Variants in LPP observed in about 807,000 individuals in gnomAD.
LPP encodes the protein LIM domain containing preferred translocation partner in lipoma.
LPP carries 38 observed loss-of-function variants against 60.4 expected under a neutral mutation model. That is an observed-to-expected ratio of 0.63 (90% confidence interval 0.49 to 0.83). The LOEUF (loss-of-function observed/expected upper bound fraction) is 0.83, where lower values mean the gene tolerates loss of function less well. Ranked by LOEUF, LPP falls within the 40% of genes least tolerant of loss-of-function variation. The probability of loss-of-function intolerance (pLI) is 0.00; values close to 1 mark genes in which losing one functional copy is unlikely to be tolerated. For missense variants in LPP, 902 were observed against 783.6 expected (o/e 1.15, Z -1.80); for synonymous variants, 328 against 290.8 (o/e 1.13, Z -1.30).
At chr3:188,679,046 G>T (rs934711006) in intron 7 of LPP, among the ~76,000 whole-genome samples, 3 of 152,190 alleles carry the variant, frequency 2.0e-5, no homozygotes, top group African/African-American at 7.2e-5. Flanking sequence ...GTGCTCTGGG[G>T]TATCTTCAGA....
intron 2 of LPP, among the ~76,000 whole-genome samples, chr3:188,226,517 A>G (rs956924441): frequency 2.0e-5 from 3 of 152,202 alleles, no homozygotes; most frequent in Admixed American, 2.0e-4. Context: ...TGGGTAGAGT[A>G]GAACATTATG....
intron 1 of LPP, among the ~76,000 whole-genome samples, chr3:188,158,616 AT>A: frequency 6.6e-6 from 1 of 152,330 alleles, no homozygotes; most frequent in African/African-American, 2.4e-5. Flanking sequence ...TAGTAATATA[AT>A]TTTGAAATAT....
chr3:188,583,800 A>G (rs1316102744), intron 6 of LPP, among the ~76,000 whole-genome samples: 3 of 152,190 alleles, frequency 2.0e-5, no homozygotes, highest in Non-Finnish European at 2.9e-5. Context: ...TGTATCATAA[A>G]ATAGAATTTT....
chr3:188,363,773 C>T (rs531104952), intron 3 of LPP, among the ~76,000 whole-genome samples: 11 of 151,972 alleles, frequency 7.2e-5, no homozygotes, highest in African/African-American at 1.7e-4. Flanking sequence ...GGCATGATGG[C>T]GGGCTCCTGT....
At chr3:188,484,499 C>A in intron 4 of LPP, 93 bp from the exon 5 acceptor site, 4 of 870,012 alleles carry the variant, frequency 4.6e-6, no homozygotes, top group African/African-American at 1.7e-5. Context: ...GTGTCAAAGC[C>A]AATTATAAAA....
At chr3:188,764,974 C>T (rs912960532) in intron 9 of LPP, among the ~76,000 whole-genome samples, 2 of 152,134 alleles carry the variant, frequency 1.3e-5, no homozygotes, top group African/African-American at 4.8e-5. Context: ...GCATTAGTGA[C>T]CAACACACTA....
chr3:188,311,163 T>A (rs1298131205), intron 2 of LPP, among the ~76,000 whole-genome samples: 1 of 151,740 alleles, frequency 6.6e-6, no homozygotes, highest in Non-Finnish European at 1.5e-5. Flanking sequence ...TTTTAGTTAT[T>A]CTTATTTTCT....
chr3:188,681,256 A>T lies in LPP; in HGVS notation c.1114-27011A>T, dbSNP rs138528217. 7.5e-3 allele frequency among the ~76,000 whole-genome samples: 1,142 copies of T among 152,182 alleles called. 13 individuals are homozygous for T. The highest frequency in any genetic ancestry group is 0.026 in the African/African-American group (1,096 of 41,522). ...TGATCCACCCACCTTGGCCTCCCAG[A>T]GTGTTGGGATTACAGGCGTGAGCCA... On this transcript the variant is annotated intron_variant, in intron 7 of 11. Transcript: ENST00000617246.
chr3:188,646,894 A>G (rs904596049), intron 7 of LPP, among the ~76,000 whole-genome samples: 3 of 152,224 alleles, frequency 2.0e-5, no homozygotes, highest in African/African-American at 7.2e-5. Context: ...CAACCTCAAT[A>G]CACATCTCAT....
intron 4 of LPP, among the ~76,000 whole-genome samples, chr3:188,450,823 G>A (rs1234864484): frequency 3.3e-5 from 5 of 152,032 alleles, no homozygotes; most frequent in African/African-American, 1.2e-4. Flanking sequence ...GTCTTCCAGA[G>A]TGTGCATCCA....
At chr3:188,296,121 C>A (rs138343635) in intron 2 of LPP, among the ~76,000 whole-genome samples, 2 of 152,262 alleles carry the variant, frequency 1.3e-5, no homozygotes, top group East Asian at 3.9e-4. Flanking sequence ...TAATGCTCTT[C>A]GTTTCATGCC....
chr3:188,704,695 C>A (rs958437415), intron 7 of LPP, among the ~76,000 whole-genome samples: 2 of 152,086 alleles, frequency 1.3e-5, no homozygotes, highest in Non-Finnish European at 2.9e-5. Context: ...CAAATATATT[C>A]CCCGTGGTCT....
In LPP at chr3:188,879,860, T is replaced by A. The variant is rs144469767; in HGVS notation, c.*5381T>A. ...TTGGACAGCACCAGTTTTTCTTAGA[T>A]CACAGACTACAGGCAGAATTTCCCT... On this transcript the variant is annotated 3_prime_UTR_variant, in exon 12 of 12. Coordinates refer to ENST00000617246, the MANE Select transcript of LPP (RefSeq NM_001375462.1). 2,062 of 181,074 alleles carry A rather than the reference T, an allele frequency of 0.011. 29 individuals are homozygous for A. Among genetic ancestry groups the A allele is most frequent in the Non-Finnish European group, 0.015 (1,262 of 84,730 alleles). 11.2% of individuals were successfully genotyped at this position (181,074 alleles called of 1,614,324 possible).
intron 8 of LPP, among the ~76,000 whole-genome samples, chr3:188,732,733 A>G (rs1560128906): frequency 1.3e-5 from 2 of 151,782 alleles, no homozygotes; most frequent in African/African-American, 4.8e-5. Flanking sequence ...AAAAAAAAAA[A>G]AAAGAATATC....
At chr3:188,300,927 G>C (rs751598036) in intron 2 of LPP, among the ~76,000 whole-genome samples, 5 of 152,130 alleles carry the variant, frequency 3.3e-5, no homozygotes, top group Non-Finnish European at 2.9e-5. Context: ...AGCTGTGAGA[G>C]GAGATTTTTC....
At chr3:188,872,846 T>A in intron 11 of LPP, 83 bp downstream of exon 11, 1 of 1,572,318 alleles carries the variant, frequency 6.4e-7, no homozygotes, top group Non-Finnish European at 8.6e-7. Flanking sequence ...ATGTAGCAAT[T>A]ACTAAATCTC....
chr3:188,771,846 T>C (rs1291867543), intron 9 of LPP, among the ~76,000 whole-genome samples: 1 of 152,188 alleles, frequency 6.6e-6, no homozygotes, highest in African/African-American at 2.4e-5. Context: ...GCATACCCAC[T>C]TGGTTTGAGA....
intron 9 of LPP, among the ~76,000 whole-genome samples, chr3:188,865,921 T>A (rs1191537624): frequency 1.3e-5 from 2 of 152,190 alleles, no homozygotes; most frequent in Non-Finnish European, 2.9e-5. Flanking sequence ...ACCTACTACC[T>A]GAGTAATACT....
chr3:188,848,678 T>G (rs772358966), intron 9 of LPP, among the ~76,000 whole-genome samples: 4 of 152,088 alleles, frequency 2.6e-5, no homozygotes, highest in Non-Finnish European at 5.9e-5. Context: ...AATCAAAAAG[T>G]GTATTAAGGA....
Sources: gnomAD v4.1 joint callset for allele counts (sites outside exome capture counted in the v4.1 genomes callset) on GRCh38, gnomAD v4.1.1 for gene constraint, MANE v1.5 for transcripts, NCBI Gene and HGNC (gene_info 2026-07-23, HGNC 2026-07-21) for gene names.